The following MALRD1 variants were observed in gnomAD, a reference collection of about 807,000 sequenced individuals.
MALRD1 encodes MAM and LDL-receptor class A domain-containing protein 1.
Under a neutral mutation model 242.1 loss-of-function variants are expected in MALRD1, and 247 were observed. The ratio of observed to expected loss-of-function variants is 1.02; its 90% CI spans 0.92 to 1.13. The LOEUF (loss-of-function observed/expected upper bound fraction) is 1.13. Ranked by LOEUF, MALRD1 falls within the 50% of genes most tolerant of loss-of-function variation. MALRD1 has a pLI of 0.00. For missense variants in MALRD1, 2,989 were observed against 2,533.1 expected, an observed-to-expected ratio of 1.18 and a Z score of -3.86; for synonymous variants, 995 against 866.6, an observed-to-expected ratio of 1.15 and a Z score of -2.60.
chr10:19,227,833 AAG>A (rs1346316304), intron 18 of MALRD1, among the ~76,000 whole-genome samples: 3 of 152,204 alleles, frequency 2.0e-5, no homozygotes, highest in African/African-American at 7.2e-5. Flanking sequence ...TTAATTTAAA[AAG>A]AGATGATATC....
chr10:19,152,924 TC>T (rs1833995914), intron 11 of MALRD1, among the ~76,000 whole-genome samples: 1 of 152,216 alleles, frequency 6.6e-6, no homozygotes, highest in Admixed American at 6.5e-5. Flanking sequence ...ATATGTCATT[TC>T]CCATTTTAAT....
At chr10:19,670,091 CAA>C (rs1491132839) in intron 36 of MALRD1, among the ~76,000 whole-genome samples, 6 of 150,004 alleles carry the variant, frequency 4.0e-5, no homozygotes, top group African/African-American at 1.0e-4. Context: ...CACACACACA[CAA>C]ACACACACAC....
intron 38 of MALRD1, among the ~76,000 whole-genome samples, chr10:19,719,723 A>G (rs190858055): frequency 6.6e-5 from 10 of 152,222 alleles, no homozygotes; most frequent in Admixed American, 6.5e-4. Flanking sequence ...CATTTGGTTC[A>G]GTTTGTTCCT....
At chr10:19,214,201 G>A (rs1453879535) in intron 18 of MALRD1, among the ~76,000 whole-genome samples, 1 of 152,104 alleles carries the variant, frequency 6.6e-6, no homozygotes, top group Non-Finnish European at 1.5e-5. Context: ...GGTTTCTGTG[G>A]ACTCTCAGCT....
intron 29 of MALRD1, 46 bp downstream of exon 29, chr10:19,450,536 T>C (rs762765446): frequency 1.0e-5 from 15 of 1,456,984 alleles, no homozygotes; most frequent in Non-Finnish European, 1.2e-5. Flanking sequence ...ATTTTTAATC[T>C]AGCCATTTTA....
At chr10:19,199,420 A>G (rs7916062) in intron 14 of MALRD1, among the ~76,000 whole-genome samples, 112,160 of 152,096 alleles carry the variant, frequency 0.74, 41,600 homozygotes, top group South Asian at 0.84. Flanking sequence ...CTTTGCCATC[A>G]GGTTTGGGTT....
intron 36 of MALRD1, among the ~76,000 whole-genome samples, chr10:19,687,097 G>T (rs1049848545): frequency 1.3e-5 from 2 of 151,392 alleles, no homozygotes; most frequent in African/African-American, 4.9e-5. Context: ...CCTATAATAA[G>T]ATGGCCAAAG....
intron 26 of MALRD1, among the ~76,000 whole-genome samples, chr10:19,373,066 G>T (rs10763968): frequency 0.78 from 118,777 of 151,692 alleles, 47,071 homozygotes; most frequent in African/African-American, 0.9. Context: ...TGAAAAGTCT[G>T]CGAAAGTGTG....
intron 34 of MALRD1, among the ~76,000 whole-genome samples, chr10:19,599,137 G>A (rs1324310091): frequency 6.6e-6 from 1 of 152,138 alleles, no homozygotes; most frequent in Non-Finnish European, 1.5e-5. Flanking sequence ...GTTGCAATTG[G>A]AGTGGAATGC....
intron 38 of MALRD1, among the ~76,000 whole-genome samples, chr10:19,713,680 G>C (rs1414060486): frequency 1.3e-5 from 2 of 152,218 alleles, no homozygotes; most frequent in African/African-American, 4.8e-5. Context: ...AAGGAAAGTA[G>C]AGTGAGTTTG....
chr10:19,611,051 C>T (rs2131599291), intron 35 of MALRD1, among the ~76,000 whole-genome samples: 1 of 151,918 alleles, frequency 6.6e-6, no homozygotes, highest in Admixed American at 6.6e-5. Context: ...GCAAATACTC[C>T]CCCCAGTATA....
At chr10:19,489,481 T>G in intron 29 of MALRD1, 1 of 568,758 alleles carries the variant, frequency 1.8e-6, no homozygotes, top group South Asian at 1.4e-5. Context: ...TCAACCATTT[T>G]GTAAATGCAA....
At chr10:19,497,295 A>G (rs556680604) in intron 30 of MALRD1, among the ~76,000 whole-genome samples, 16 of 151,222 alleles carry the variant, frequency 1.1e-4, no homozygotes, top group Non-Finnish European at 2.4e-4. Flanking sequence ...CATAATAAAA[A>G]CCTATTCTAT....
intron 34 of MALRD1, among the ~76,000 whole-genome samples, chr10:19,598,873 T>C (rs926328549): frequency 6.6e-6 from 1 of 151,664 alleles, no homozygotes; most frequent in Non-Finnish European, 1.5e-5. Flanking sequence ...CATAGCGGGG[T>C]CACAAGAGAC....
intron 36 of MALRD1, among the ~76,000 whole-genome samples, chr10:19,629,126 C>G (rs571086623): frequency 9.3e-4 from 142 of 152,284 alleles, no homozygotes; most frequent in African/African-American, 3.3e-3. Flanking sequence ...TGCACCCCTT[C>G]CCAAAAAGCA....
At chr10:19,332,460 C>T (rs185104507) in intron 24 of MALRD1, among the ~76,000 whole-genome samples, 218 of 152,178 alleles carry the variant, frequency 1.4e-3, no homozygotes, top group African/African-American at 4.9e-3. Flanking sequence ...CTAAATGCAC[C>T]ATATGTACTC....
chr10:19,681,858 CTTTTT>C (rs56244200), intron 36 of MALRD1, among the ~76,000 whole-genome samples: 1 of 111,186 alleles, frequency 9.0e-6, no homozygotes, highest in African/African-American at 3.4e-5. Context: ...GGGAATGTCA[CTTTTT>C]TTTTTTTTTT....
rs374951318 is a variant in MALRD1 at position 19,694,338 on chromosome 10, G to A, written c.6314+1784G>A. On this transcript the variant is annotated intron_variant, in intron 38 of 39. Coordinates refer to ENST00000454679, the MANE Select transcript of MALRD1 (RefSeq NM_001142308.3). ...TTGCAATCTACTCATCTGACAAAGGGCTAATATCCAGAATCTACAAAGAAC... is the reference window on the plus strand; with the variant it reads ...TTGCAATCTACTCATCTGACAAAGGACTAATATCCAGAATCTACAAAGAAC... Among the ~76,000 whole-genome samples the A allele has an allele frequency of 2.4e-3, 370 of 152,188 alleles. 8 individuals carry two copies. In the East Asian group the frequency reaches 0.053, roughly 22 times the overall value.
intron 19 of MALRD1, among the ~76,000 whole-genome samples, chr10:19,267,473 G>GCATCCCTTCTCGTTAGC (rs999136068): frequency 6.6e-6 from 1 of 151,826 alleles, no homozygotes; most frequent in Non-Finnish European, 1.5e-5. Flanking sequence ...TACATTTTTG[G>GCATCCCTTCTCGTTAGC]CATCCCTTCT....
Sources: allele counts gnomAD v4.1 joint callset (sites outside exome capture counted in the v4.1 genomes callset), GRCh38; gene constraint gnomAD v4.1.1; transcripts MANE v1.5; gene names NCBI Gene and HGNC (gene_info 2026-07-23, HGNC 2026-07-21).